Variants in SLC35F3 observed in about 807,000 individuals in gnomAD.
The protein encoded by SLC35F3 is solute carrier family 35 member F3, also known as putative thiamine transporter SLC35F3.
Under a neutral mutation model 49.9 loss-of-function variants are expected in SLC35F3, and 25 were observed. The observed-to-expected ratio is 0.50, with a 90% CI of 0.37 to 0.70. The LOEUF is 0.70. Among genes scored for constraint, SLC35F3 ranks in the 30% least tolerant of loss-of-function variants. The pLI, the probability that SLC35F3 is intolerant of heterozygous loss-of-function variation, is 0.00. For missense variants in SLC35F3, 525 were observed against 639.8 expected (o/e 0.82, Z 1.94); for synonymous variants, 275 against 265.4 (o/e 1.04, Z -0.35).
chr1:234,063,520 C>T (rs73106408), intron 2 of SLC35F3, among the ~76,000 whole-genome samples: 7,227 of 152,188 alleles, frequency 0.047, 364 homozygotes, highest in African/African-American at 0.13. Flanking sequence ...CTTCAGACCT[C>T]CAATAAGCTT....
intron 2 of SLC35F3, among the ~76,000 whole-genome samples, chr1:234,102,878 C>T (rs1665233827): frequency 6.6e-6 from 1 of 152,202 alleles, no homozygotes; most frequent in Non-Finnish European, 1.5e-5. Context: ...TCATTATCCA[C>T]TTGTAACGAA....
chr1:234,305,227 C>T (rs1657124989), intron 3 of SLC35F3, among the ~76,000 whole-genome samples: 1 of 152,108 alleles, frequency 6.6e-6, no homozygotes, highest in Non-Finnish European at 1.5e-5. Flanking sequence ...GACAGGCTAT[C>T]CCAGCTAGGA....
At chr1:234,157,977 A>G (rs1443913993) in intron 2 of SLC35F3, among the ~76,000 whole-genome samples, 1 of 151,886 alleles carries the variant, frequency 6.6e-6, no homozygotes, top group African/African-American at 2.4e-5. Context: ...AGGTGTATTG[A>G]CTCTTAGCTT....
chr1:234,309,405 G>A, intron 4 of SLC35F3, 85 bp downstream of exon 4: 2 of 1,183,538 alleles, frequency 1.7e-6, no homozygotes, highest in Non-Finnish European at 2.4e-6. Context: ...TCCATGTGCT[G>A]GACCATGAGC....
chr1:234,008,518 G>C (rs1336899550), intron 2 of SLC35F3, among the ~76,000 whole-genome samples: 1 of 152,146 alleles, frequency 6.6e-6, no homozygotes, highest in Non-Finnish European at 1.5e-5. Context: ...TACGAAGACT[G>C]CTATACAGTC....
chr1:234,187,398 G>A (rs182248362), intron 2 of SLC35F3, among the ~76,000 whole-genome samples: 17 of 152,286 alleles, frequency 1.1e-4, no homozygotes, highest in East Asian at 1.9e-4. Flanking sequence ...GGAAAATGGC[G>A]GACAGGAGGC....
At chr1:234,108,245 AAAG>A (rs1174992322) in intron 2 of SLC35F3, among the ~76,000 whole-genome samples, 2 of 67,106 alleles carry the variant, frequency 3.0e-5, no homozygotes, top group African/African-American at 1.1e-4. Flanking sequence ...TATATATATA[AAAG>A]ATATATATAT....
chr1:234,285,481 A>C (rs1389754188), intron 3 of SLC35F3: 1 of 390,092 alleles, frequency 2.6e-6, no homozygotes, highest in Non-Finnish European at 5.0e-6. Flanking sequence ...ACAAGTAAAA[A>C]CAGAAAATTT....
At chr1:234,213,390 A>C (rs1667069993) in intron 2 of SLC35F3, 1 of 152,246 alleles carries the variant, frequency 6.6e-6, no homozygotes, top group African/African-American at 2.4e-5. Context: ...GCATCTGTAA[A>C]GGAGATGAAC....
chr1:233,946,123 C>T (rs969532806), intron 2 of SLC35F3, among the ~76,000 whole-genome samples: 1 of 152,190 alleles, frequency 6.6e-6, no homozygotes, highest in African/African-American at 2.4e-5. Context: ...TGTACAAATA[C>T]TGCAACTGAC....
chr1:234,021,897 T>C (rs192004254), intron 2 of SLC35F3, among the ~76,000 whole-genome samples: 112 of 152,266 alleles, frequency 7.4e-4, no homozygotes, highest in Non-Finnish European at 1.8e-4. Flanking sequence ...TAGCCTGAGA[T>C]TTGTACAGTC....
At chr1:234,068,080 A>G (rs113654113) in intron 2 of SLC35F3, among the ~76,000 whole-genome samples, 321 of 152,280 alleles carry the variant, frequency 2.1e-3, no homozygotes, top group African/African-American at 7.4e-3. Context: ...TCTCCTAGAG[A>G]TGTTTAAGCA....
At position 233,915,346 on chromosome 1, in the gene SLC35F3, A is replaced by G. The variant is rs528312488; in HGVS notation, c.283+9588A>G. On this transcript the variant is annotated intron_variant, in intron 2 of 7. Coordinates refer to ENST00000366618, the MANE Select transcript of SLC35F3 (RefSeq NM_173508.4). ...AATTTCGCTACCTTACTTTCTTTTCAGAAATTGAGTCAGCTCATTTTTGAT... is the reference window on the plus strand; with the variant it reads ...AATTTCGCTACCTTACTTTCTTTTCGGAAATTGAGTCAGCTCATTTTTGAT... Among the ~76,000 whole-genome samples, 274 of 152,308 alleles carry G rather than the reference A, an allele frequency of 1.8e-3. 2 individuals are homozygous for G. The highest frequency in any genetic ancestry group is 6.1e-3 in the African/African-American group (253 of 41,564).
chr1:233,926,040 A>G (rs938994169), intron 2 of SLC35F3, among the ~76,000 whole-genome samples: 85 of 152,212 alleles, frequency 5.6e-4, no homozygotes, highest in Non-Finnish European at 1.8e-4. Flanking sequence ...GGGTAACCCA[A>G]CCTTTCTCTC....
chr1:233,975,781 A>C (rs543530454), intron 2 of SLC35F3, among the ~76,000 whole-genome samples: 3 of 152,318 alleles, frequency 2.0e-5, no homozygotes, highest in South Asian at 2.1e-4. Context: ...TACCCGGAGC[A>C]CATGTGCAGC....
At chr1:234,147,887 T>C (rs1666021456) in intron 2 of SLC35F3, among the ~76,000 whole-genome samples, 1 of 152,248 alleles carries the variant, frequency 6.6e-6, no homozygotes, top group African/African-American at 2.4e-5. Context: ...GACCTGGTGA[T>C]TGGCATCTCT....
chr1:234,112,895 A>T (rs1665430395), intron 2 of SLC35F3, among the ~76,000 whole-genome samples: 1 of 151,000 alleles, frequency 6.6e-6, no homozygotes, highest in South Asian at 2.1e-4. Context: ...ATTCTTAATG[A>T]CCGGTTTCAG....
chr1:234,136,115 C>G (rs181512088), intron 2 of SLC35F3, among the ~76,000 whole-genome samples: 28 of 152,248 alleles, frequency 1.8e-4, no homozygotes, highest in Non-Finnish European at 4.0e-4. Flanking sequence ...CTTAGGAAGC[C>G]TTCCCTGAAA....
At chr1:234,152,244 T>TATC (rs1666087191) in intron 2 of SLC35F3, among the ~76,000 whole-genome samples, 1 of 150,406 alleles carries the variant, frequency 6.6e-6, no homozygotes, top group South Asian at 2.1e-4. Flanking sequence ...TTATTATTAT[T>TATC]ATTATTATAC....
Sources: allele counts gnomAD v4.1 joint callset (sites outside exome capture counted in the v4.1 genomes callset), GRCh38; gene constraint gnomAD v4.1.1; transcripts MANE v1.5; gene names NCBI Gene and HGNC (gene_info 2026-07-23, HGNC 2026-07-21).